CNTNAP2: variants seen among roughly 807,000 people sequenced by gnomAD.
CNTNAP2 encodes the protein contactin-associated protein-like 2.
A neutral mutation model predicts 155.2 loss-of-function variants in CNTNAP2; 98 were observed. That is an observed-to-expected ratio of 0.63 (90% CI 0.54 to 0.75). CNTNAP2 has a LOEUF of 0.75. CNTNAP2 is among the 30% of genes least tolerant of loss of function. The probability of loss-of-function intolerance (pLI) is 0.00; values close to 1 mark genes in which losing one functional copy is unlikely to be tolerated. For synonymous variants in CNTNAP2, 651 were observed against 631.2 expected, an observed-to-expected ratio of 1.03 and a Z score of -0.47; for missense variants, 1,727 against 1,688.1, an observed-to-expected ratio of 1.02 and a Z score of -0.40.
At chr7:146,468,546 G>C (rs538308420) in intron 1 of CNTNAP2, among the ~76,000 whole-genome samples, 1 of 152,338 alleles carries the variant, frequency 6.6e-6, no homozygotes, top group Non-Finnish European at 1.5e-5. Context: ...AAGACTGTGA[G>C]ATTGAACTGA....
At chr7:148,262,617 G>T (rs1585225325) in intron 20 of CNTNAP2, among the ~76,000 whole-genome samples, 1 of 152,046 alleles carries the variant, frequency 6.6e-6, no homozygotes, top group East Asian at 1.9e-4. Context: ...TCTCCACTGC[G>T]ACCCTCTTGC....
At chr7:146,718,760 A>G (rs940739055) in intron 1 of CNTNAP2, among the ~76,000 whole-genome samples, 1 of 152,142 alleles carries the variant, frequency 6.6e-6, no homozygotes, top group African/African-American at 2.4e-5. Flanking sequence ...CCCATCACCA[A>G]GAAATCATAA....
At chr7:147,599,668 A>C (rs1169489666) in intron 12 of CNTNAP2, among the ~76,000 whole-genome samples, 2 of 151,990 alleles carry the variant, frequency 1.3e-5, no homozygotes, top group African/African-American at 4.8e-5. Context: ...GCAATCCTTG[A>C]GTTCTTTGGC....
chr7:147,556,601 G>T (rs1799956094), intron 11 of CNTNAP2, among the ~76,000 whole-genome samples: 1 of 152,160 alleles, frequency 6.6e-6, no homozygotes, highest in South Asian at 2.1e-4. Flanking sequence ...CTAATTCCTA[G>T]CTTTGAAGAT....
chr7:147,945,380 G>A (rs892644276), intron 14 of CNTNAP2, among the ~76,000 whole-genome samples: 10 of 151,964 alleles, frequency 6.6e-5, no homozygotes, highest in Non-Finnish European at 8.8e-5. Flanking sequence ...TAAGTTTCCC[G>A]GATCTTTTCA....
intron 1 of CNTNAP2, among the ~76,000 whole-genome samples, chr7:146,153,799 G>C (rs541243381): frequency 6.6e-6 from 1 of 152,172 alleles, no homozygotes; most frequent in East Asian, 1.9e-4. Flanking sequence ...ATCCATTGTC[G>C]TATGAATAAT....
intron 21 of CNTNAP2, among the ~76,000 whole-genome samples, chr7:148,330,024 T>C (rs765844015): frequency 1.2e-4 from 18 of 152,042 alleles, no homozygotes; most frequent in Admixed American, 8.5e-4. Flanking sequence ...CAAATACAGA[T>C]TGAGACACAA....
intron 14 of CNTNAP2, among the ~76,000 whole-genome samples, chr7:147,934,774 T>C (rs1354803839): frequency 1.3e-5 from 2 of 152,198 alleles, no homozygotes; most frequent in African/African-American, 2.4e-5. Flanking sequence ...CAGGTTCTTG[T>C]AGATAACTCA....
intron 1 of CNTNAP2, among the ~76,000 whole-genome samples, chr7:146,397,739 A>G (rs902529721): frequency 2.6e-5 from 4 of 152,204 alleles, no homozygotes; most frequent in South Asian, 4.1e-4. Flanking sequence ...ATGACAGTAT[A>G]TAAGTAGGAA....
chr7:146,964,447 G>A (rs1797616864), intron 3 of CNTNAP2, among the ~76,000 whole-genome samples: 1 of 152,160 alleles, frequency 6.6e-6, no homozygotes, highest in South Asian at 2.1e-4. Context: ...TATTCACTGT[G>A]TTCAGCTCCT....
intron 1 of CNTNAP2, among the ~76,000 whole-genome samples, chr7:146,644,526 G>A (rs1459927890): frequency 6.6e-6 from 1 of 152,050 alleles, no homozygotes; most frequent in Non-Finnish European, 1.5e-5. Flanking sequence ...TGGTGGATAA[G>A]GTTTTTGATG....
chr7:148,177,287 T>C (rs1794954311), intron 18 of CNTNAP2, among the ~76,000 whole-genome samples: 1 of 152,144 alleles, frequency 6.6e-6, no homozygotes, highest in Non-Finnish European at 1.5e-5. Context: ...AATGACTGTG[T>C]CTTCATAGGA....
chr7:146,990,748 GT>G (rs1322042919), intron 3 of CNTNAP2, among the ~76,000 whole-genome samples: 5 of 152,034 alleles, frequency 3.3e-5, no homozygotes, highest in African/African-American at 1.2e-4. Flanking sequence ...ATGTTTTGTG[GT>G]CTGTGTGTAT....
chr7:148,073,659 G>T lies in CNTNAP2; in HGVS notation c.2384-44459G>T, dbSNP rs192840249. On this transcript the variant is annotated intron_variant, in intron 15 of 23. Coordinates refer to ENST00000361727, the MANE Select transcript of CNTNAP2 (RefSeq NM_014141.6). ...TAGTTACTGCTGTTAATATTCTATTGTGCCTCATTTATAAATTAAACTTTA... is the reference window on the plus strand; with the variant it reads ...TAGTTACTGCTGTTAATATTCTATTTTGCCTCATTTATAAATTAAACTTTA... Among the ~76,000 whole-genome samples, 1,045 of 152,062 alleles carry T rather than the reference G, an allele frequency of 6.9e-3. 6 individuals are homozygous for T. The highest frequency in any genetic ancestry group is 0.013 in the South Asian group (61 of 4,816).
intron 4 of CNTNAP2, among the ~76,000 whole-genome samples, chr7:147,106,424 A>T (rs1800766482): frequency 6.6e-6 from 1 of 152,154 alleles, no homozygotes; most frequent in South Asian, 2.1e-4. Flanking sequence ...CAGTGTTAGC[A>T]GAAGCCAAAA....
In CNTNAP2 at chr7:147,538,385, C is replaced by G. The variant is rs76147876; in HGVS notation, c.1778-23753C>G. On this transcript the variant is annotated intron_variant, in intron 11 of 23. Transcript: ENST00000361727. ...AAACACATTAGGCCAAGTGCAGTGA[C>G]TCACGCCTGTAATTCCAACTCTTTG... Among the ~76,000 whole-genome samples the G allele has an allele frequency of 1.9e-3, 296 of 152,282 alleles. 1 individual carries two copies. Among genetic ancestry groups the G allele is most frequent in the African/African-American group, 6.8e-3 (282 of 41,552 alleles).
At chr7:146,163,997 T>C (rs1322076660) in intron 1 of CNTNAP2, among the ~76,000 whole-genome samples, 4 of 152,166 alleles carry the variant, frequency 2.6e-5, no homozygotes, top group African/African-American at 7.2e-5. Context: ...AAAATAAAAA[T>C]CAGTACACAC....
intron 21 of CNTNAP2, among the ~76,000 whole-genome samples, chr7:148,372,922 T>C (rs1161430505): frequency 6.6e-6 from 1 of 152,204 alleles, no homozygotes; most frequent in Non-Finnish European, 1.5e-5. Context: ...TGTTTTTAAC[T>C]TTTAAGACTT....
At chr7:147,467,064 T>C (rs573447262) in intron 10 of CNTNAP2, among the ~76,000 whole-genome samples, 1 of 152,250 alleles carries the variant, frequency 6.6e-6, no homozygotes, top group African/African-American at 2.4e-5. Flanking sequence ...GCATGTTTGA[T>C]ACTTTTTAAG....
Sources: allele counts gnomAD v4.1 joint callset (sites outside exome capture counted in the v4.1 genomes callset), GRCh38; gene constraint gnomAD v4.1.1; transcripts MANE v1.5; gene names NCBI Gene and HGNC (gene_info 2026-07-23, HGNC 2026-07-21).